DLG2: variants seen among roughly 807,000 people sequenced by gnomAD.
The protein encoded by DLG2 is disks large homolog 2.
In DLG2, 45 loss-of-function variants were observed where a neutral mutation model predicts 132.5. That is an observed-to-expected ratio of 0.34 (90% CI 0.27 to 0.44). The LOEUF is 0.44. Among genes scored for constraint, DLG2 ranks in the 20% least tolerant of loss-of-function variants. The pLI, the probability that DLG2 is intolerant of heterozygous loss-of-function variation, is 1.00. For missense variants in DLG2, 1,045 were observed against 1,196.9 expected (o/e 0.87, Z 1.87); for synonymous variants, 424 against 419.6 (o/e 1.01, Z -0.13).
chr11:84,358,174 C>A (rs2154418374), intron 7 of DLG2, among the ~76,000 whole-genome samples: 1 of 152,058 alleles, frequency 6.6e-6, no homozygotes, highest in East Asian at 1.9e-4. Context: ...CATACTCATG[C>A]ACACTTTCTA....
chr11:84,147,788 T>C (rs1312942339), intron 9 of DLG2, among the ~76,000 whole-genome samples: 2 of 152,106 alleles, frequency 1.3e-5, no homozygotes, highest in Non-Finnish European at 1.5e-5. Context: ...TAGAAGCATA[T>C]ATTTGCCTTT....
chr11:85,282,104 T>A (rs1027296939), intron 4 of DLG2, among the ~76,000 whole-genome samples: 1 of 151,896 alleles, frequency 6.6e-6, no homozygotes, highest in Non-Finnish European at 1.5e-5. Flanking sequence ...TTAAGTGAGA[T>A]AAGCCAGGCA....
intron 15 of DLG2, among the ~76,000 whole-genome samples, chr11:83,885,822 C>T (rs927784336): frequency 2.0e-5 from 3 of 152,082 alleles, no homozygotes; most frequent in African/African-American, 4.8e-5. Flanking sequence ...GAATTTTCAA[C>T]CCAGAATTTC....
intron 3 of DLG2, among the ~76,000 whole-genome samples, chr11:85,571,057 T>A (rs1028501488): frequency 6.6e-5 from 10 of 152,176 alleles, no homozygotes; most frequent in African/African-American, 2.4e-4. Flanking sequence ...TGAACATATT[T>A]AAAACAACCG....
chr11:85,368,318 A>C (rs1000658555), intron 3 of DLG2, among the ~76,000 whole-genome samples: 1 of 152,232 alleles, frequency 6.6e-6, no homozygotes, highest in South Asian at 2.1e-4. Context: ...CTGCTTTAAG[A>C]AGACAAAGCC....
intron 6 of DLG2, among the ~76,000 whole-genome samples, chr11:84,739,654 C>T (rs1289562229): frequency 6.6e-6 from 1 of 152,080 alleles, no homozygotes; most frequent in African/African-American, 2.4e-5. Flanking sequence ...ATAAAACTAC[C>T]TGGCTAAGGA....
intron 14 of DLG2, among the ~76,000 whole-genome samples, chr11:83,939,629 A>C (rs1004578105): frequency 2.2e-4 from 34 of 152,168 alleles, no homozygotes; most frequent in African/African-American, 7.7e-4. Context: ...CTTTCCTCGG[A>C]GGCTCGAGGA....
chr11:84,286,352 G>T (rs1457481052), intron 7 of DLG2, among the ~76,000 whole-genome samples: 3 of 151,838 alleles, frequency 2.0e-5, no homozygotes, highest in Non-Finnish European at 4.4e-5. Context: ...GGAGTGCAAG[G>T]GGGTAAAAAA....
intron 6 of DLG2, among the ~76,000 whole-genome samples, chr11:85,004,906 G>A (rs189272473): frequency 3.5e-4 from 53 of 152,248 alleles, no homozygotes; most frequent in Non-Finnish European, 5.6e-4. Flanking sequence ...TTTTGTATAA[G>A]GTGAAAGGGA....
chr11:83,974,445 A>G (rs1001744932), intron 12 of DLG2, among the ~76,000 whole-genome samples: 6 of 79,934 alleles, frequency 7.5e-5, no homozygotes, highest in Non-Finnish European at 1.2e-4. Context: ...ATATTCCACT[A>G]AACACTAGTT....
intron 8 of DLG2, among the ~76,000 whole-genome samples, chr11:84,245,026 T>C (rs1198202894): frequency 6.6e-6 from 1 of 152,202 alleles, no homozygotes; most frequent in Admixed American, 6.5e-5. Context: ...TATGGCAACT[T>C]CCTTCTCAGA....
At chr11:83,499,690 C>T (rs1404219218) in intron 21 of DLG2, among the ~76,000 whole-genome samples, 1 of 150,014 alleles carries the variant, frequency 6.7e-6, no homozygotes, top group Non-Finnish European at 1.5e-5. Flanking sequence ...GTTTGGGACT[C>T]GGACTGGCTC....
intron 3 of DLG2, among the ~76,000 whole-genome samples, chr11:85,577,690 G>C (rs1366453928): frequency 6.6e-6 from 1 of 151,956 alleles, no homozygotes; most frequent in East Asian, 1.9e-4. Flanking sequence ...ACCTACCTAA[G>C]TACAGAGTAT....
At chr11:83,481,758 A>G (rs559206277) in intron 22 of DLG2, among the ~76,000 whole-genome samples, 2 of 152,250 alleles carry the variant, frequency 1.3e-5, no homozygotes, top group South Asian at 4.1e-4. Context: ...CATAATCAAT[A>G]ATAGTGCATT....
At chr11:83,658,361 A>T (rs1215049076) in intron 18 of DLG2, among the ~76,000 whole-genome samples, 1 of 152,232 alleles carries the variant, frequency 6.6e-6, no homozygotes, top group Non-Finnish European at 1.5e-5. Context: ...GAGAGAAGAA[A>T]AATTCTTGCC....
intron 19 of DLG2, among the ~76,000 whole-genome samples, chr11:83,568,522 T>G (rs901735365): frequency 1.3e-5 from 2 of 152,058 alleles, no homozygotes; most frequent in African/African-American, 2.4e-5. Context: ...TGAACTGAGA[T>G]TGCCCTTAGA....
At chr11:83,900,101 G>T (rs1393231169) in intron 15 of DLG2, among the ~76,000 whole-genome samples, 2 of 152,166 alleles carry the variant, frequency 1.3e-5, no homozygotes, top group Non-Finnish European at 2.9e-5. Flanking sequence ...CAAGAGATTT[G>T]TGGAACTTTG....
rs561798110 is a variant in DLG2, at chr11:85,172,046, G to A, written c.187-17395C>T. Reference sequence around the variant, plus strand: ...CCAGCCTGCTGGCACTGAAGAGTCCGGGCATTCTGGACGAGGGGGGGTTCC... The same window carrying A: ...CCAGCCTGCTGGCACTGAAGAGTCCAGGCATTCTGGACGAGGGGGGGTTCC... On this transcript the variant is annotated intron_variant, in intron 4 of 27. Transcript: ENST00000376104. Among the ~76,000 whole-genome samples the A allele has an allele frequency of 4.0e-4, 61 of 152,344 alleles. 1 individual carries two copies. The highest frequency in any genetic ancestry group is 3.4e-3 in the Middle Eastern group (1 of 294).
intron 4 of DLG2, among the ~76,000 whole-genome samples, chr11:85,225,595 T>C (rs1026427484): frequency 5.3e-5 from 8 of 152,116 alleles, no homozygotes; most frequent in African/African-American, 1.9e-4. Flanking sequence ...TTTATTTCTT[T>C]CTCTCCACTG....
Sources: gnomAD v4.1 joint callset for allele counts (sites outside exome capture counted in the v4.1 genomes callset) on GRCh38, gnomAD v4.1.1 for gene constraint, MANE v1.5 for transcripts, NCBI Gene and HGNC (gene_info 2026-07-23, HGNC 2026-07-21) for gene names.